The following CSF2RA variants were observed in gnomAD, a reference collection of about 807,000 sequenced individuals.
The protein encoded by CSF2RA is granulocyte-macrophage colony-stimulating factor receptor subunit alpha.
CSF2RA carries 42 observed loss-of-function variants against 51.6 expected under a neutral mutation model. The observed-to-expected ratio is 0.81, with a 90% CI of 0.64 to 1.05. The LOEUF (loss-of-function observed/expected upper bound fraction) is 1.05. CSF2RA is among the 50% of genes least tolerant of loss of function. The probability of loss-of-function intolerance (pLI) is 0.00; values close to 1 mark genes in which losing one functional copy is unlikely to be tolerated. For synonymous variants in CSF2RA, 222 were observed against 193.0 expected (o/e 1.15, Z -1.24); for missense variants, 530 against 501.1 (o/e 1.06, Z -0.55).
chrX:1,289,089 G>A, intron 6 of CSF2RA: 1 of 657,218 alleles, frequency 1.5e-6, no homozygotes, highest in Non-Finnish European at 2.6e-6. Context: ...AGCTTCCCAG[G>A]TAGCTGGGAT....
At chrX:1,306,006 CA>C in intron 12 of CSF2RA, 1 of 531,694 alleles carries the variant, frequency 1.9e-6, no homozygotes, top group Non-Finnish European at 3.4e-6. Context: ...GGCTTGAACC[CA>C]GGGGGCGGAG....
downstream of CSF2RA, among the ~76,000 whole-genome samples, chrX:1,314,470 CCCAAT>C (rs2084385495): frequency 1.4e-5 from 2 of 145,946 alleles, no homozygotes; most frequent in African/African-American, 5.4e-5. Context: ...CCTGCCCAAC[CCCAAT>C]GCACCTACCC....
chrX:1,269,633 AAAAG>A (rs1316018770), intron 1 of CSF2RA, among the ~76,000 whole-genome samples: 10,404 of 65,374 alleles, frequency 0.16, 548 homozygotes, highest in Non-Finnish European at 0.27. Flanking sequence ...AAAAAAAAGA[AAAAG>A]AAAAAAAAAG....
chrX:1,320,803 A>C, the CSF2RA span, among the ~76,000 whole-genome samples: 1 of 148,150 alleles, frequency 6.7e-6, no homozygotes, highest in African/African-American at 2.5e-5. Context: ...GAGCCACTGC[A>C]CCCAGCCTGT....
Position 1,290,522 on chromosome X carries a change from C to CCT in CSF2RA, c.646+13_646+14insCT. On this transcript the variant is annotated intron_variant, in intron 7 of 12. Coordinates refer to ENST00000381529, the MANE Select transcript of CSF2RA (RefSeq NM_172245.4). Reference sequence around the variant, plus strand: ...ACAAAGAAAATAGGTGAGAATAACACATATGATTTTCCTATTGTTTATAGG... The same window carrying CCT: ...ACAAAGAAAATAGGTGAGAATAACACCTATATGATTTTCCTATTGTTTATAGG... 1.2e-6 allele frequency: 2 copies of CCT among 1,611,922 alleles called. No individual in the cohort carries two copies. Among genetic ancestry groups the CCT allele is most frequent in the Non-Finnish European group, 1.7e-6 (2 of 1,178,132 alleles).
At chrX:1,319,250 C>T in the CSF2RA span, among the ~76,000 whole-genome samples, 1 of 150,026 alleles carries the variant, frequency 6.7e-6, no homozygotes, top group South Asian at 2.2e-4. Flanking sequence ...CCCGGCTCGG[C>T]CTCCCAAAGT....
chrX:1,280,748 C>G (rs1305234331), intron 2 of CSF2RA, among the ~76,000 whole-genome samples: 3 of 150,290 alleles, frequency 2.0e-5, no homozygotes, highest in Non-Finnish European at 4.4e-5. Flanking sequence ...TTCTCCTCCT[C>G]CTTTTTCTTC....
At position 1,275,708 on chromosome X, in the gene CSF2RA, A is replaced by G. The variant is rs773268635; in HGVS notation, c.-27+890A>G. 3.4e-3 allele frequency among the ~76,000 whole-genome samples: 513 copies of G among 150,204 alleles called. 3 individuals carry two copies. The highest frequency in any genetic ancestry group is 0.011 in the African/African-American group (439 of 40,924). ...CGAGTAGCTGGGACTACAGGCGCCC[A>G]CCACCATGCCCAGCTAATTTTTTGT... On this transcript the variant is annotated intron_variant, in intron 2 of 12. Coordinates refer to ENST00000381529, the MANE Select transcript of CSF2RA (RefSeq NM_172245.4).
chrX:1,285,452 G>A (rs1414807575), intron 3 of CSF2RA, among the ~76,000 whole-genome samples: 1 of 151,854 alleles, frequency 6.6e-6, no homozygotes, highest in Non-Finnish European at 1.5e-5. Context: ...CCAGCACTTC[G>A]GGAGGCTGAG....
downstream of CSF2RA, among the ~76,000 whole-genome samples, chrX:1,314,266 TGCGCCTGCCCAAC>T (rs2084328760): frequency 4.4e-5 from 1 of 22,822 alleles, no homozygotes; most frequent in Non-Finnish European, 9.5e-5. Flanking sequence ...CCAACCCCAC[TGCGCCTGCCCAAC>T]CCCACTGCAT....
intron 9 of CSF2RA, among the ~76,000 whole-genome samples, chrX:1,295,984 C>CAACCTCCAGCGTAACCCTACAGT (rs2091909552): frequency 6.6e-6 from 1 of 151,340 alleles, no homozygotes; most frequent in Non-Finnish European, 1.5e-5. Flanking sequence ...CTACTCACGA[C>CAACCTCCAGCGTAACCCTACAGT]CCCCGGAGTA....
intron 2 of CSF2RA, among the ~76,000 whole-genome samples, chrX:1,280,595 T>A (rs1192878934): frequency 4.6e-5 from 7 of 152,030 alleles, no homozygotes; most frequent in African/African-American, 1.7e-4. Context: ...TGGTTGACAA[T>A]TGGTTGAGTT....
At chrX:1,308,034 AC>A (rs1457737106) in intron 12 of CSF2RA, among the ~76,000 whole-genome samples, 2 of 127,410 alleles carry the variant, frequency 1.6e-5, no homozygotes, top group African/African-American at 6.3e-5. Flanking sequence ...GATGAGGCCC[AC>A]CCCTCTTCAG....
chrX:1,317,724 C>G, the CSF2RA span, among the ~76,000 whole-genome samples: 1 of 151,752 alleles, frequency 6.6e-6, no homozygotes, highest in South Asian at 2.1e-4. Context: ...CAGGGAGGTA[C>G]AAGCTTTTGG....
At chrX:1,273,013 T>A (rs1277513997) in intron 1 of CSF2RA, among the ~76,000 whole-genome samples, 1 of 151,310 alleles carries the variant, frequency 6.6e-6, no homozygotes, top group African/African-American at 2.4e-5. Context: ...AGAGACAACA[T>A]TTCACCAGGT....
At position 1,309,755 on chromosome X, in the gene CSF2RA, G is replaced by A. The variant is rs1312755722; in HGVS notation, c.*276G>A. The A allele has an allele frequency of 1.5e-6, 1 of 687,696 alleles. No homozygotes were observed. The highest frequency in any genetic ancestry group is 1.7e-5 in the South Asian group (1 of 59,710). The allele number at this position is 687,696 out of a possible 1,614,324, so 42.6% of individuals were successfully genotyped here. On this transcript the variant is annotated 3_prime_UTR_variant, in exon 13 of 13. Transcript: ENST00000381529. ...TGCAGAAATTTACCCAGGCACGGCG[G>A]CGGACGCCCATCATCCCAGCTACTT... is the stretch of plus-strand genomic sequence containing the variant.
chrX:1,280,992 C>T (rs1415723350), intron 2 of CSF2RA, among the ~76,000 whole-genome samples: 1 of 123,486 alleles, frequency 8.1e-6, no homozygotes, highest in African/African-American at 2.9e-5. Context: ...CCTCCTCCTC[C>T]TTCTCCTCCT....
intron 4 of CSF2RA, among the ~76,000 whole-genome samples, chrX:1,286,440 G>C (rs559690625): frequency 7.4e-5 from 11 of 148,976 alleles, no homozygotes; most frequent in Admixed American, 1.4e-4. Context: ...ATGGTGGCAG[G>C]CATCTGTAAT....
intron 7 of CSF2RA, among the ~76,000 whole-genome samples, chrX:1,292,034 G>C (rs1420148826): frequency 6.7e-6 from 1 of 148,802 alleles, no homozygotes; most frequent in African/African-American, 2.5e-5. Flanking sequence ...TGGACACAGT[G>C]TAGACAGGAG....
Sources: allele counts gnomAD v4.1 joint callset (sites outside exome capture counted in the v4.1 genomes callset), GRCh38; gene constraint gnomAD v4.1.1; transcripts MANE v1.5; gene names NCBI Gene and HGNC (gene_info 2026-07-23, HGNC 2026-07-21).